Variants in FUT8 observed in about 807,000 individuals in gnomAD.
FUT8 encodes the protein alpha-(1,6)-fucosyltransferase.
A neutral mutation model predicts 71.3 loss-of-function variants in FUT8; 29 were observed. That is an observed-to-expected ratio of 0.41 (90% CI 0.30 to 0.55). The LOEUF (loss-of-function observed/expected upper bound fraction) is 0.55, where lower values mean the gene tolerates loss of function less well. Ranked by LOEUF, FUT8 falls within the 20% of genes least tolerant of loss-of-function variation. The probability of loss-of-function intolerance (pLI) is 0.34; values close to 1 mark genes in which losing one functional copy is unlikely to be tolerated. For synonymous variants in FUT8, 254 were observed against 239.3 expected (o/e 1.06, Z -0.57); for missense variants, 544 against 702.1 (o/e 0.77, Z 2.55).
intron 7 of FUT8, among the ~76,000 whole-genome samples, chr14:65,674,313 C>A (rs1218697396): frequency 6.6e-6 from 1 of 152,042 alleles, no homozygotes; most frequent in African/African-American, 2.4e-5. Context: ...GAGTCTGATC[C>A]AGTTCTGTTG....
intron 7 of FUT8, among the ~76,000 whole-genome samples, chr14:65,705,339 A>G (rs1363436704): frequency 2.0e-5 from 3 of 152,222 alleles, no homozygotes; most frequent in Non-Finnish European, 4.4e-5. Context: ...GATCTCTGTC[A>G]TTAAATGAGG....
intron 2 of FUT8, among the ~76,000 whole-genome samples, chr14:65,512,576 A>G (rs1882419459): frequency 6.6e-6 from 1 of 152,124 alleles, no homozygotes; most frequent in Non-Finnish European, 1.5e-5. Context: ...AACGTTCTAA[A>G]GGAGATATGA....
chr14:65,393,484 C>T, the FUT8 span, among the ~76,000 whole-genome samples: 1 of 152,136 alleles, frequency 6.6e-6, no homozygotes, highest in Non-Finnish European at 1.5e-5. Flanking sequence ...CTGGAGAACA[C>T]AGGTATGAGA....
intron 7 of FUT8, among the ~76,000 whole-genome samples, chr14:65,673,896 C>CTCAGG (rs1319356285): frequency 6.6e-6 from 1 of 152,094 alleles, no homozygotes. Context: ...AAATATCTCA[C>CTCAGG]TCAGGTCAGA....
chr14:65,508,409 G>GTT (rs760808483), intron 2 of FUT8, among the ~76,000 whole-genome samples: 2 of 114,474 alleles, frequency 1.7e-5, no homozygotes, highest in African/African-American at 6.4e-5. Context: ...TTGTATGTCT[G>GTT]TTTTTTTTTT....
chr14:65,590,911 T>A (rs190303604), intron 3 of FUT8, among the ~76,000 whole-genome samples: 1 of 152,262 alleles, frequency 6.6e-6, no homozygotes, highest in Admixed American at 6.5e-5. Context: ...ATTTTAGACA[T>A]TTGTCATTTC....
rs549558939 is a variant in FUT8, at chr14:65,628,080, A to C, written c.483-1412A>C. Among the ~76,000 whole-genome samples the C allele has an allele frequency of 1.8e-4, 27 of 152,306 alleles. No homozygotes were observed. The South Asian group carries it at 5.2e-3, about 29-fold the overall frequency. On this transcript the variant is annotated intron_variant, in intron 5 of 10. Coordinates refer to ENST00000673929, the MANE Select transcript of FUT8 (RefSeq NM_001371533.1). ...TATGAAGATGGTGACATTAGAGCAA[A>C]GATTTCAAGGTCATTTAGATGAGCC...
intron 1 of FUT8, among the ~76,000 whole-genome samples, chr14:65,446,875 C>T (rs932132547): frequency 3.3e-5 from 5 of 151,632 alleles, no homozygotes; most frequent in African/African-American, 1.2e-4. Flanking sequence ...TGCTATGTTG[C>T]CCAAGCTGGA....
At chr14:65,549,399 C>G (rs1002632482) in intron 2 of FUT8, among the ~76,000 whole-genome samples, 3 of 151,044 alleles carry the variant, frequency 2.0e-5, no homozygotes, top group Middle Eastern at 3.2e-3. Flanking sequence ...CCCTGCATTT[C>G]TTTGTTACCA....
intron 1 of FUT8, among the ~76,000 whole-genome samples, chr14:65,439,980 ATATATATATATG>A (rs1566748272): frequency 7.2e-6 from 1 of 138,776 alleles, no homozygotes; most frequent in Non-Finnish European, 1.6e-5. Context: ...ATATATATAT[ATATATATATATG>A]TACACACACA....
upstream of FUT8, chr14:65,411,651 T>G: frequency 4.9e-6 from 1 of 203,682 alleles, no homozygotes; most frequent in South Asian, 6.9e-5. Context: ...GGTATGTACT[T>G]TAAAATGCCC....
intron 2 of FUT8, among the ~76,000 whole-genome samples, chr14:65,506,113 G>T (rs935827234): frequency 2.6e-5 from 4 of 151,952 alleles, no homozygotes; most frequent in Non-Finnish European, 5.9e-5. Context: ...CGTTCCCTTG[G>T]GTCTGGCCAT....
chr14:65,538,948 C>G (rs527281524), intron 2 of FUT8, among the ~76,000 whole-genome samples: 18 of 151,198 alleles, frequency 1.2e-4, no homozygotes, highest in Admixed American at 9.2e-4. Flanking sequence ...AAAACAAACA[C>G]AAAAAAAACG....
At chr14:65,673,555 A>G (rs1012145815) in intron 7 of FUT8, among the ~76,000 whole-genome samples, 2 of 152,242 alleles carry the variant, frequency 1.3e-5, no homozygotes, top group Non-Finnish European at 2.9e-5. Context: ...GGAGTCAACC[A>G]GGTAGGGACA....
intron 7 of FUT8, among the ~76,000 whole-genome samples, chr14:65,711,260 C>A (rs954882940): frequency 6.6e-6 from 1 of 152,112 alleles, no homozygotes; most frequent in South Asian, 2.1e-4. Flanking sequence ...GTTTTTATTT[C>A]TTTCTTAAAG....
chr14:65,471,989 A>G (rs529458816), intron 2 of FUT8, among the ~76,000 whole-genome samples: 6 of 152,310 alleles, frequency 3.9e-5, no homozygotes, highest in African/African-American at 1.4e-4. Context: ...AAGATTAAAA[A>G]ACTTCTCCAG....
intron 3 of FUT8, among the ~76,000 whole-genome samples, chr14:65,611,197 ACGCGCGCGCGCG>A (rs112404723): frequency 0.14 from 8,502 of 61,196 alleles, 1,585 homozygotes; most frequent in South Asian, 0.25. Context: ...ACACACACAC[ACGCGCGCGCGCG>A]CGCGCGCGCG....
intron 7 of FUT8, among the ~76,000 whole-genome samples, chr14:65,680,131 G>A (rs186796717): frequency 6.6e-6 from 1 of 152,134 alleles, no homozygotes; most frequent in East Asian, 1.9e-4. Flanking sequence ...GAAGTTCCAC[G>A]ATCTGCCATC....
At chr14:65,449,342 C>CA (rs2065788232) in intron 1 of FUT8, among the ~76,000 whole-genome samples, 1 of 152,138 alleles carries the variant, frequency 6.6e-6, no homozygotes, top group African/African-American at 2.4e-5. Flanking sequence ...GCAGACAAAA[C>CA]AGACTTTTTC....
Sources: allele counts gnomAD v4.1 joint callset (sites outside exome capture counted in the v4.1 genomes callset), GRCh38; gene constraint gnomAD v4.1.1; transcripts MANE v1.5; gene names NCBI Gene and HGNC (gene_info 2026-07-23, HGNC 2026-07-21).